HACL2: variants seen among roughly 807,000 people sequenced by gnomAD.
HACL2 encodes the protein 2-hydroxyacyl-CoA lyase 1 like.
chr19:15,117,991 G>C, the HACL2 span: 1 of 1,614,190 alleles, frequency 6.2e-7, no homozygotes, highest in Non-Finnish European at 8.5e-7. Flanking sequence ...ACGGCCATAG[G>C]ATAGGCGGAA....
the HACL2 span, chr19:15,123,421 A>G: frequency 2.6e-5 from 42 of 1,614,034 alleles, no homozygotes; most frequent in Non-Finnish European, 3.6e-5. This position sits in a 1 kb window ranked among gnomAD's most constrained non-coding sequence, Gnocchi z 5.1. Flanking sequence ...CCGTGACCTC[A>G]TGGCGTGTGT....
At chr19:15,116,625 G>A in the HACL2 span, 1 of 895,004 alleles carries the variant, frequency 1.1e-6, no homozygotes, top group Non-Finnish European at 1.7e-6. Flanking sequence ...CATCCGAGCA[G>A]GCAGACGGGA....
chr19:15,120,350 G>A, the HACL2 span, among the ~76,000 whole-genome samples: 1 of 152,214 alleles, frequency 6.6e-6, no homozygotes, highest in Non-Finnish European at 1.5e-5. Flanking sequence ...GATTAAGCCT[G>A]TGGGTCCAAC....
the HACL2 span, chr19:15,123,299 C>T: frequency 6.2e-7 from 1 of 1,606,092 alleles, no homozygotes; most frequent in African/African-American, 1.3e-5. The surrounding 1 kb of genome is among the most constrained non-coding windows in gnomAD (Gnocchi z 5.1). Context: ...TCTTCCACCT[C>T]TGAAAAACCC....
At chr19:15,116,574 C>T in the HACL2 span, 5 of 1,474,510 alleles carry the variant, frequency 3.4e-6, no homozygotes, top group Admixed American at 3.7e-5. Flanking sequence ...TCCTGTTCTT[C>T]CAGCATCAGA....
At chr19:15,119,020 C>T in the HACL2 span, 3 of 773,226 alleles carry the variant, frequency 3.9e-6, no homozygotes, top group Non-Finnish European at 5.9e-6. Flanking sequence ...TATTATGCGT[C>T]TGGTTGGGTT....
chr19:15,125,231 G>A, the HACL2 span: 4,470 of 707,006 alleles, frequency 6.3e-3, 21 homozygotes, highest in Non-Finnish European at 8.4e-3. Flanking sequence ...TGTGCGCCTA[G>A]GCTCGGGGTG....
the HACL2 span, chr19:15,125,062 G>A: frequency 2.6e-6 from 4 of 1,545,084 alleles, no homozygotes; most frequent in Non-Finnish European, 3.5e-6. Flanking sequence ...GTCTCCATGA[G>A]GTGGTACCTA....
At chr19:15,121,045 G>C in the HACL2 span, among the ~76,000 whole-genome samples, 10 of 152,318 alleles carry the variant, frequency 6.6e-5, no homozygotes, top group Middle Eastern at 6.8e-3. Context: ...AGGGGGCAAA[G>C]TGCATTAAGA....
the HACL2 span, chr19:15,117,872 G>C: frequency 6.2e-7 from 1 of 1,613,922 alleles, no homozygotes; most frequent in Non-Finnish European, 8.5e-7. Flanking sequence ...GGGGGATTAA[G>C]GGGCTCACCC....
At chr19:15,124,747 G>A in the HACL2 span, 1 of 854,006 alleles carries the variant, frequency 1.2e-6, no homozygotes, top group South Asian at 1.9e-5. Flanking sequence ...GCAAAGTCCA[G>A]GCCTCCATAC....
chr19:15,124,823 G>T, the HACL2 span: 1 of 1,453,624 alleles, frequency 6.9e-7, no homozygotes, highest in South Asian at 1.3e-5. Context: ...ACTAGTCGGG[G>T]CTCGCTTTCC....
At chr19:15,123,763 G>C in the HACL2 span, 1 of 597,898 alleles carries the variant, frequency 1.7e-6, no homozygotes, top group African/African-American at 1.9e-5. The surrounding 1 kb of genome is among the most constrained non-coding windows in gnomAD (Gnocchi z 5.1). Context: ...CATCTTATCA[G>C]ATCCTCTTGT....
the HACL2 span, among the ~76,000 whole-genome samples, chr19:15,121,436 G>A: frequency 1.3e-5 from 2 of 152,122 alleles, no homozygotes; most frequent in Admixed American, 6.6e-5. Context: ...GAAGGGCCAA[G>A]GACAGGCAAA....
chr19:15,115,519 GACTGAA>G, the HACL2 span: 13 of 1,600,822 alleles, frequency 8.1e-6, no homozygotes, highest in Non-Finnish European at 1.1e-5. Flanking sequence ...GCCCAGCTGG[GACTGAA>G]ACAGCCTCCT....
the HACL2 span, chr19:15,115,494 A>C: frequency 6.2e-7 from 1 of 1,602,896 alleles, no homozygotes; most frequent in African/African-American, 1.3e-5. Context: ...CAGCCAGCCC[A>C]GGAGAGGAAC....
the HACL2 span, chr19:15,125,039 G>A: frequency 3.9e-6 from 6 of 1,557,646 alleles, no homozygotes; most frequent in Non-Finnish European, 4.3e-6. Context: ...CAGCGGGGGC[G>A]GCGGCCGCGG....
At chr19:15,124,918 C>G in the HACL2 span, 1 of 1,601,246 alleles carries the variant, frequency 6.2e-7, no homozygotes, top group Non-Finnish European at 8.5e-7. Context: ...CATTCTGTGC[C>G]CCGCACCTTG....
the HACL2 span, chr19:15,123,226 C>T: frequency 1.2e-6 from 2 of 1,613,796 alleles, no homozygotes; most frequent in Non-Finnish European, 1.7e-6. The surrounding 1 kb of genome is among the most constrained non-coding windows in gnomAD (Gnocchi z 5.1). Context: ...GCTGTCACTG[C>T]CGCCACGCCC....
Sources: gnomAD v4.1 joint callset for allele counts (sites outside exome capture counted in the v4.1 genomes callset) on GRCh38, gnomAD v4.1.1 for gene constraint, Gnocchi (gnomAD v3.1) non-coding constraint, MANE v1.5 for transcripts, NCBI Gene and HGNC (gene_info 2026-07-23, HGNC 2026-07-21) for gene names.